The following ATXN2 variants were observed in gnomAD, a reference collection of about 807,000 sequenced individuals.
ATXN2 encodes ataxin 2, also known as ataxin-2.
ATXN2 carries 37 observed loss-of-function variants against 138.6 expected under a neutral mutation model. That is an observed-to-expected ratio of 0.27 (90% CI 0.21 to 0.35). ATXN2 has a LOEUF of 0.35. ATXN2 is among the 10% of genes least tolerant of loss of function. ATXN2 has a pLI of 1.00. For missense variants in ATXN2, 1,216 were observed against 1,480.3 expected (o/e 0.82, Z 2.93); for synonymous variants, 549 against 543.7 (o/e 1.01, Z -0.13).
At chr12:111,520,506 A>T (rs184714364) in intron 7 of ATXN2, among the ~76,000 whole-genome samples, 1 of 152,134 alleles carries the variant, frequency 6.6e-6, no homozygotes, top group Admixed American at 6.5e-5. Flanking sequence ...CAGAAATTAG[A>T]TGGGCATGGT....
chr12:111,599,386 A>ACCGCCGCCCCGCCCGCT (rs1555246881), upstream of ATXN2: 66 of 1,156,718 alleles, frequency 5.7e-5, no homozygotes, highest in African/African-American at 2.6e-4. Flanking sequence ...GGGCCGCGCC[A>ACCGCCGCCCCGCCCGCT]CCGCCGCCCC....
At chr12:111,517,837 T>C (rs1670803136) in intron 9 of ATXN2, among the ~76,000 whole-genome samples, 4 of 152,136 alleles carry the variant, frequency 2.6e-5, no homozygotes, top group South Asian at 4.1e-4. Flanking sequence ...ATAATGAAAA[T>C]TGATCTATAT....
intron 7 of ATXN2, among the ~76,000 whole-genome samples, chr12:111,520,410 T>TG (rs1003228853): frequency 6.6e-6 from 1 of 152,158 alleles, no homozygotes; most frequent in African/African-American, 2.4e-5. Context: ...CCCAGCACTT[T>TG]GGGAGGCCGA....
At position 111,599,087 on chromosome 12, in the gene ATXN2, G is replaced by T. The variant is rs1056953317; in HGVS notation, c.-53C>A. 4.4e-6 allele frequency: 6 copies of T among 1,372,374 alleles called. No individual in the cohort carries two copies. In the African/African-American group the frequency reaches 6.0e-5, roughly 14 times the overall value. 85.0% of individuals were successfully genotyped at this position (1,372,374 alleles called of 1,614,324 possible). A position where few individuals can be genotyped will look rare whatever the true frequency, so the allele number is the denominator to read the frequency against. ...CGCCGGGCGGGGACAGCCGGGAGCC[G>T]GGCGCGCCAAGGAGACGCCGGAACG... On this transcript the variant is annotated 5_prime_UTR_variant, in exon 1 of 25. Transcript: ENST00000673436.
At chr12:111,543,207 A>C (rs1241042140) in intron 5 of ATXN2, among the ~76,000 whole-genome samples, 1 of 152,166 alleles carries the variant, frequency 6.6e-6, no homozygotes, top group African/African-American at 2.4e-5. Flanking sequence ...AATAAACCAC[A>C]GCAAAGTTGA....
At chr12:111,521,044 A>T in intron 6 of ATXN2, 71 bp from the exon 7 acceptor site, 3 of 969,678 alleles carry the variant, frequency 3.1e-6, no homozygotes, top group Non-Finnish European at 4.7e-6. Context: ...TATAACCAAC[A>T]TCTATATTAA....
intron 5 of ATXN2, among the ~76,000 whole-genome samples, chr12:111,541,512 C>T (rs926962178): frequency 1.4e-5 from 2 of 147,938 alleles, no homozygotes; most frequent in African/African-American, 4.9e-5. Flanking sequence ...CCACCATGAC[C>T]GGCTAATTTT....
intron 5 of ATXN2, among the ~76,000 whole-genome samples, chr12:111,541,665 T>C (rs1018713720): frequency 6.7e-6 from 1 of 149,542 alleles, no homozygotes. Context: ...ACATATTTTG[T>C]AGGGCAAGTC....
intron 5 of ATXN2, among the ~76,000 whole-genome samples, chr12:111,550,362 T>C (rs1172011159): frequency 6.6e-6 from 1 of 152,154 alleles, no homozygotes; most frequent in African/African-American, 2.4e-5. Flanking sequence ...ATATTCACTC[T>C]TCCACATTTG....
At position 111,537,512 on chromosome 12, in the gene ATXN2, G is replaced by A. The variant is rs145171208; in HGVS notation, c.572-12196C>T. ...GCAGGAGAATCGCTTCAACCTGGGA[G>A]GCAGAGGATGCAGTGAGCTGCAATC... On this transcript the variant is annotated intron_variant, in intron 5 of 24. Transcript: ENST00000673436. 5.5e-3 allele frequency among the ~76,000 whole-genome samples: 834 copies of A among 151,582 alleles called. 6 individuals carry two copies. The highest frequency in any genetic ancestry group is 8.6e-3 in the Non-Finnish European group (583 of 67,978).
intron 18 of ATXN2, among the ~76,000 whole-genome samples, chr12:111,484,333 C>T (rs929978402): frequency 6.6e-5 from 10 of 150,806 alleles, no homozygotes; most frequent in Non-Finnish European, 1.3e-4. Context: ...GCCCATGCTG[C>T]TCTCGAACTC....
rs186548434 is a variant in ATXN2, at chr12:111,481,358, T to C, written c.2524+3907A>G. 1.8e-4 allele frequency among the ~76,000 whole-genome samples: 27 copies of C among 152,242 alleles called. No individual in the cohort carries two copies. In the East Asian group the frequency reaches 4.8e-3, roughly 27 times the overall value. On this transcript the variant is annotated intron_variant, in intron 18 of 24. Coordinates refer to ENST00000673436, the MANE Select transcript of ATXN2 (RefSeq NM_001372574.1). Reference sequence around the variant, plus strand: ...TATCTGGGAGGGTGAGGCAGGAGAATTGCTTGAACCCAGGAAGCGAAGGCT... The same window carrying C: ...TATCTGGGAGGGTGAGGCAGGAGAACTGCTTGAACCCAGGAAGCGAAGGCT...
intron 5 of ATXN2, among the ~76,000 whole-genome samples, chr12:111,535,476 G>A (rs1387649631): frequency 6.6e-6 from 1 of 151,898 alleles, no homozygotes; most frequent in African/African-American, 2.4e-5. Context: ...ACAAAAGTTA[G>A]CAGGGCATGG....
chr12:111,510,606 T>C (rs1879451614), intron 11 of ATXN2, 24 bp from the exon 12 acceptor site: 5 of 1,561,562 alleles, frequency 3.2e-6, no homozygotes, highest in Non-Finnish European at 4.4e-6. Context: ...AAAATGTATT[T>C]ATTACATTCT....
In ATXN2 at chr12:111,516,279, C is replaced by T. The variant is rs377295559; in HGVS notation, c.1250G>A (p.Arg417Gln). Residue 417 changes from arginine to glutamine, a missense_variant, in exon 10 of 25, where the codon CGG becomes CAG. Arg to Gln is a conservative substitution (Grantham distance 43). Transcript: ENST00000673436. The surrounding 1 kb of genome is among the most constrained non-coding windows in gnomAD (Gnocchi z 5.0). ...YQSGPNSLPP[R>Q]AATPTRPPSR... ...GGGCGGCCGTGTAGGGGTGGCTGCCCGAGGTGGAAGAGAGTTGGGACCTGA... is the reference window on the plus strand; with the variant it reads ...GGGCGGCCGTGTAGGGGTGGCTGCCTGAGGTGGAAGAGAGTTGGGACCTGA... 2.5e-6 allele frequency: 4 copies of T among 1,572,222 alleles called. No individual in the cohort carries two copies. The highest frequency in any genetic ancestry group is 2.3e-5 in the East Asian group (1 of 43,714).
At chr12:111,578,853 C>A (rs1883827946) in intron 1 of ATXN2, among the ~76,000 whole-genome samples, 1 of 151,956 alleles carries the variant, frequency 6.6e-6, no homozygotes, top group Non-Finnish European at 1.5e-5. Context: ...CCACCCAGGG[C>A]AACATAGTGA....
At chr12:111,495,320 A>C (rs1414990380) in intron 14 of ATXN2, among the ~76,000 whole-genome samples, 2 of 151,768 alleles carry the variant, frequency 1.3e-5, no homozygotes, top group Non-Finnish European at 2.9e-5. Flanking sequence ...AAAAAAAAAA[A>C]AAAAAAACCA....
In ATXN2 at chr12:111,453,398, C is replaced by CT. The variant is rs1192795977; in HGVS notation, c.3439+278_3439+279insA. ...TCCAGCCTGTCATAACAAGGAAGGC[C>CT]AACTGAGTCCTAGGCATGCATCAGG... On this transcript the variant is annotated intron_variant, in intron 24 of 24. Transcript: ENST00000673436. This position sits in a 1 kb window ranked among gnomAD's most constrained non-coding sequence, Gnocchi z 5.4. 4.2e-6 allele frequency: 5 copies of CT among 1,186,576 alleles called. No individual in the cohort carries two copies. In the African/African-American group the frequency reaches 6.3e-5, roughly 15 times the overall value. The allele number at this position is 1,186,576 out of a possible 1,614,324, so 73.5% of individuals were successfully genotyped here.
At chr12:111,491,125 T>C (rs1415096978) in intron 14 of ATXN2, among the ~76,000 whole-genome samples, 1 of 152,064 alleles carries the variant, frequency 6.6e-6, no homozygotes, top group Non-Finnish European at 1.5e-5. Context: ...TGGTAGCGCA[T>C]GCCGGTAATC....
Sources: allele counts gnomAD v4.1 joint callset (sites outside exome capture counted in the v4.1 genomes callset), GRCh38; gene constraint gnomAD v4.1.1; non-coding constraint Gnocchi (gnomAD v3.1); transcripts MANE v1.5; gene names NCBI Gene and HGNC (gene_info 2026-07-23, HGNC 2026-07-21).